The following DCUN1D4 variants were observed in gnomAD, a reference collection of about 807,000 sequenced individuals.
DCUN1D4 encodes the protein defective in cullin neddylation 1 domain containing 4, also known as DCN1-like protein 4.
In DCUN1D4, 22 loss-of-function variants were observed where a neutral mutation model predicts 47.9. The ratio of observed to expected loss-of-function variants is 0.46; its 90% confidence interval spans 0.33 to 0.66. The LOEUF (loss-of-function observed/expected upper bound fraction) is 0.66, where lower values mean the gene tolerates loss of function less well. Among genes scored for constraint, DCUN1D4 ranks in the 30% least tolerant of loss-of-function variants. The pLI is 0.02. For synonymous variants in DCUN1D4, 121 were observed against 112.2 expected (o/e 1.08, Z -0.50); for missense variants, 301 against 340.8 (o/e 0.88, Z 0.92).
At chr4:51,894,909 G>A (rs1448745383) in intron 7 of DCUN1D4, among the ~76,000 whole-genome samples, 2 of 152,018 alleles carry the variant, frequency 1.3e-5, no homozygotes, top group East Asian at 3.9e-4. Context: ...TATTTCTCTG[G>A]AGGCCCAGAA....
upstream of DCUN1D4, among the ~76,000 whole-genome samples, chr4:51,840,994 A>G (rs957936463): frequency 6.6e-6 from 1 of 152,228 alleles, no homozygotes; most frequent in Admixed American, 6.5e-5. Context: ...TACATTCTAT[A>G]AATTTTTATG....
At chr4:51,848,318 GTC>G (rs1722872396) in intron 1 of DCUN1D4, 11 of 1,287,120 alleles carry the variant, frequency 8.5e-6, no homozygotes, top group South Asian at 2.5e-5. Context: ...TCCGTTTCTG[GTC>G]TCTCGTGTCA....
At chr4:51,849,851 G>A (rs867720742) in intron 1 of DCUN1D4, among the ~76,000 whole-genome samples, 9 of 151,118 alleles carry the variant, frequency 6.0e-5, no homozygotes, top group African/African-American at 1.7e-4. Flanking sequence ...GTGTGCGTGC[G>A]TGTGTGTGTG....
intron 6 of DCUN1D4, among the ~76,000 whole-genome samples, chr4:51,887,400 A>G (rs890301610): frequency 2.0e-5 from 3 of 152,172 alleles, no homozygotes; most frequent in African/African-American, 7.2e-5. Flanking sequence ...GCACCCGGCC[A>G]TGATTGCTTT....
chr4:51,844,175 A>C (rs1429094526), intron 1 of DCUN1D4, among the ~76,000 whole-genome samples: 1 of 147,438 alleles, frequency 6.8e-6, no homozygotes, highest in African/African-American at 2.6e-5. Context: ...GGAGTTGGGC[A>C]GGAGGACTGT....
intron 6 of DCUN1D4, among the ~76,000 whole-genome samples, chr4:51,888,707 G>C (rs1478186886): frequency 7.0e-6 from 1 of 142,508 alleles, no homozygotes; most frequent in Non-Finnish European, 1.5e-5. Flanking sequence ...CTGGGCAACA[G>C]AGCAGGACTC....
At chr4:51,867,555 C>A (rs1460678363) in intron 3 of DCUN1D4, among the ~76,000 whole-genome samples, 1 of 152,058 alleles carries the variant, frequency 6.6e-6, no homozygotes, top group African/African-American at 2.4e-5. Context: ...GCAGGCAGGT[C>A]CTCCCGACAT....
intron 3 of DCUN1D4, among the ~76,000 whole-genome samples, chr4:51,864,360 G>T (rs1725563536): frequency 6.6e-6 from 1 of 152,190 alleles, no homozygotes; most frequent in Non-Finnish European, 1.5e-5. Flanking sequence ...ATCAAGTCCA[G>T]AAACTTGCAT....
the DCUN1D4 span, among the ~76,000 whole-genome samples, chr4:51,834,042 T>TTCTTTC: frequency 1.9e-5 from 1 of 51,882 alleles, no homozygotes; most frequent in Non-Finnish European, 3.2e-5. Context: ...TTAGGAGTCT[T>TTCTTTC]TCTCTCTCTC....
intron 5 of DCUN1D4, among the ~76,000 whole-genome samples, chr4:51,881,866 G>A (rs1186587499): frequency 6.6e-6 from 1 of 152,038 alleles, no homozygotes; most frequent in Non-Finnish European, 1.5e-5. Flanking sequence ...GCATGGGAAA[G>A]ATGAGAAGAA....
chr4:51,906,273 A>G (rs1732881074), intron 8 of DCUN1D4, among the ~76,000 whole-genome samples: 1 of 152,152 alleles, frequency 6.6e-6, no homozygotes, highest in Non-Finnish European at 1.5e-5. Context: ...GTAAGCAGCC[A>G]CACAGGTTCA....
rs1734099241 is a variant in DCUN1D4 at position 51,914,191 on chromosome 4, T to C, written c.*607T>C. 6.6e-6 allele frequency: 1 copy of C among 152,258 alleles called. No homozygotes were observed. 9.4% of individuals were successfully genotyped at this position (152,258 alleles called of 1,614,324 possible). A position where few individuals can be genotyped will look rare whatever the true frequency, so the allele number is the denominator to read the frequency against. ...TATTTGAACATATAGATATGTAACA[T>C]GCCACAAATCATTTCTACCATGCAA... On this transcript the variant is annotated 3_prime_UTR_variant, in exon 11 of 11. Coordinates refer to ENST00000334635, the MANE Select transcript of DCUN1D4 (RefSeq NM_001040402.3).
intron 4 of DCUN1D4, 93 bp downstream of exon 4, chr4:51,874,478 A>G: frequency 1.3e-6 from 1 of 776,966 alleles, no homozygotes; most frequent in Non-Finnish European, 2.0e-6. Context: ...TAAGTGTGCA[A>G]ATGCCAAGTG....
intron 7 of DCUN1D4, among the ~76,000 whole-genome samples, chr4:51,896,516 T>C (rs913747458): frequency 1.3e-5 from 2 of 152,164 alleles, no homozygotes; most frequent in Non-Finnish European, 2.9e-5. Context: ...CTCGACCTTA[T>C]GTTTTTGGGT....
At chr4:51,844,503 C>T (rs1256105043) in intron 1 of DCUN1D4, 1 of 710,076 alleles carries the variant, frequency 1.4e-6, no homozygotes, top group African/African-American at 1.9e-5. Context: ...CCCTGATGGC[C>T]GGGTCGGGGG....
rs1007627889 is a variant in DCUN1D4 at position 51,877,648 on chromosome 4, T to C, written c.252-115T>C. On this transcript the variant is annotated intron_variant, in intron 4 of 10. Coordinates refer to ENST00000334635, the MANE Select transcript of DCUN1D4 (RefSeq NM_001040402.3). ...TGCAGGAAATAAAACGTTTAAAATA[T>C]ACTTAAAATACTGATTGAATAGATG... 13 of 666,634 alleles carry C rather than the reference T, an allele frequency of 2.0e-5. No individual in the cohort carries two copies. In the Admixed American group the frequency reaches 2.4e-4, roughly 12 times the overall value. The allele number at this position is 666,634 out of a possible 1,614,324, so 41.3% of individuals were successfully genotyped here.
chr4:51,895,642 T>G (rs1021850738), intron 7 of DCUN1D4, among the ~76,000 whole-genome samples: 1 of 148,602 alleles, frequency 6.7e-6, no homozygotes, highest in Admixed American at 6.8e-5. Context: ...GGAAAAATAC[T>G]AAGTGAAGGG....
Position 51,916,724 on chromosome 4 carries a change from C to G in DCUN1D4, c.*3140C>G, listed in dbSNP as rs1482231694. The G allele has an allele frequency of 6.6e-6, 1 of 152,534 alleles. No homozygotes were observed. Among genetic ancestry groups the G allele is most frequent in the Non-Finnish European group, 1.5e-5 (1 of 67,998 alleles). 9.4% of individuals were successfully genotyped at this position (152,534 alleles called of 1,614,324 possible). On this transcript the variant is annotated 3_prime_UTR_variant, in exon 11 of 11. Transcript: ENST00000334635. The stretch of plus-strand genomic sequence containing the variant: ...GCAAGTCCTGTGACTCCCAGCTTAA[C>G]TGAAATACTGTTATGCCACCTAACT...
At chr4:51,849,988 T>C (rs912760825) in intron 1 of DCUN1D4, among the ~76,000 whole-genome samples, 2 of 152,192 alleles carry the variant, frequency 1.3e-5, no homozygotes, top group South Asian at 4.1e-4. Flanking sequence ...TTTTAAGTGT[T>C]GTTGGGTGAA....
Sources: allele counts gnomAD v4.1 joint callset (sites outside exome capture counted in the v4.1 genomes callset), GRCh38; gene constraint gnomAD v4.1.1; transcripts MANE v1.5; gene names NCBI Gene and HGNC (gene_info 2026-07-23, HGNC 2026-07-21).